Variants in SIPA1L2 observed in about 807,000 individuals in gnomAD.
SIPA1L2 encodes signal-induced proliferation-associated 1-like protein 2.
In SIPA1L2, 56 loss-of-function variants were observed where a neutral mutation model predicts 163.9. That is an observed-to-expected ratio of 0.34 (90% CI 0.28 to 0.43). SIPA1L2 has a LOEUF of 0.43. Ranked by LOEUF, SIPA1L2 falls within the 20% of genes least tolerant of loss-of-function variation. The probability of loss-of-function intolerance (pLI) is 1.00; values close to 1 mark genes in which losing one functional copy is unlikely to be tolerated. For missense variants in SIPA1L2, 1,974 were observed against 2,193.5 expected (o/e 0.90, Z 2.00); for synonymous variants, 877 against 865.7 (o/e 1.01, Z -0.23).
At chr1:232,408,342 AT>A (rs1660760874) in intron 19 of SIPA1L2, among the ~76,000 whole-genome samples, 1 of 151,146 alleles carries the variant, frequency 6.6e-6, no homozygotes, top group Non-Finnish European at 1.5e-5. Flanking sequence ...TCACTTATTA[AT>A]TTTTTTAAAT....
In SIPA1L2 at chr1:232,441,362, G is replaced by A. The variant is rs181504085; in HGVS notation, c.3571C>T (p.Leu1191=). The change falls in exon 14 of 23, where the codon CTG becomes TTG. Residue 1191 remains leucine (L), a synonymous_variant. Transcript: ENST00000674635. ...TKWHGPPSKV[L]GSYKERALQK... Reference sequence around the variant, plus strand: ...AGAGCTCTTTCTTTATAGGAACCCAGGACTTTGGAAGGTGGGCCATGCCAT... The same window carrying A: ...AGAGCTCTTTCTTTATAGGAACCCAAGACTTTGGAAGGTGGGCCATGCCAT... The A allele has an allele frequency of 1.4e-5, 23 of 1,597,752 alleles. 1 individual carries two copies. Among genetic ancestry groups the A allele is most frequent in the Admixed American group, 1.1e-4 (6 of 53,564 alleles).
chr1:232,486,457 CAT>C (rs1242466707), intron 5 of SIPA1L2, among the ~76,000 whole-genome samples: 7 of 152,150 alleles, frequency 4.6e-5, no homozygotes, highest in Non-Finnish European at 1.5e-5. Flanking sequence ...CTCCTGGGCC[CAT>C]GGGAATCAGT....
chr1:232,564,425 G>A (rs72763151), intron 2 of SIPA1L2, among the ~76,000 whole-genome samples: 2 of 151,724 alleles, frequency 1.3e-5, no homozygotes, highest in Non-Finnish European at 2.9e-5. Context: ...AGGCCACAGA[G>A]GCAGAAAACA....
intron 20 of SIPA1L2, 21 bp downstream of exon 20, chr1:232,404,104 C>G: frequency 3.1e-6 from 5 of 1,613,834 alleles, no homozygotes; most frequent in Non-Finnish European, 4.2e-6. Context: ...CAGGAGCCAA[C>G]GAGCAGCCCC....
chr1:232,580,468 T>C (rs1194409264), intron 1 of SIPA1L2, among the ~76,000 whole-genome samples: 1 of 152,202 alleles, frequency 6.6e-6, no homozygotes, highest in African/African-American at 2.4e-5. Flanking sequence ...AGCCTCATTT[T>C]ACTCAGCCCC....
chr1:232,532,260 C>A (rs895968513), intron 2 of SIPA1L2, among the ~76,000 whole-genome samples: 1 of 152,022 alleles, frequency 6.6e-6, no homozygotes, highest in African/African-American at 2.4e-5. Context: ...AGCAGGAGAA[C>A]AAGAAAAGTC....
At chr1:232,482,434 G>T (rs1486793355) in intron 6 of SIPA1L2, among the ~76,000 whole-genome samples, 1 of 143,438 alleles carries the variant, frequency 7.0e-6, no homozygotes, top group Non-Finnish European at 1.5e-5. Flanking sequence ...TTGCAGAAAA[G>T]AGGAGTTTGA....
intron 3 of SIPA1L2, among the ~76,000 whole-genome samples, chr1:232,506,173 G>C (rs1666724081): frequency 6.6e-6 from 1 of 152,134 alleles, no homozygotes; most frequent in African/African-American, 2.4e-5. Flanking sequence ...ACCACTAAAA[G>C]AAAGTATTGC....
At chr1:232,605,779 C>T (rs552459177) in intron 1 of SIPA1L2, among the ~76,000 whole-genome samples, 1 of 152,286 alleles carries the variant, frequency 6.6e-6, no homozygotes, top group South Asian at 2.1e-4. Context: ...ATTATACTGG[C>T]TTGTGAAATA....
chr1:232,606,115 A>G (rs1661907122), intron 1 of SIPA1L2, among the ~76,000 whole-genome samples: 1 of 152,258 alleles, frequency 6.6e-6, no homozygotes, highest in South Asian at 2.1e-4. Flanking sequence ...TATCATTACA[A>G]TTTGATAGAT....
chr1:232,627,990 TAAG>T (rs1663172669), intron 1 of SIPA1L2, among the ~76,000 whole-genome samples: 1 of 152,264 alleles, frequency 6.6e-6, no homozygotes, highest in Non-Finnish European at 1.5e-5. Flanking sequence ...TGTCTTATTT[TAAG>T]CTGGGCAAGG....
chr1:232,412,842 A>C (rs1389399358), intron 19 of SIPA1L2, among the ~76,000 whole-genome samples: 1 of 152,086 alleles, frequency 6.6e-6, no homozygotes, highest in Non-Finnish European at 1.5e-5. Flanking sequence ...GTCAATGCTA[A>C]CTCCTCCCAC....
At chr1:232,557,604 T>C (rs1048404939) in intron 2 of SIPA1L2, among the ~76,000 whole-genome samples, 6 of 152,212 alleles carry the variant, frequency 3.9e-5, no homozygotes, top group African/African-American at 1.4e-4. Context: ...CCTCTGCAGC[T>C]ACTGTGACTT....
At chr1:232,433,143 C>T (rs1662349614) in intron 15 of SIPA1L2, among the ~76,000 whole-genome samples, 1 of 152,200 alleles carries the variant, frequency 6.6e-6, no homozygotes, top group African/African-American at 2.4e-5. Flanking sequence ...TCCCCAATGG[C>T]AGCAACCCAA....
intron 2 of SIPA1L2, among the ~76,000 whole-genome samples, chr1:232,527,035 T>C (rs140557885): frequency 6.6e-6 from 1 of 152,158 alleles, no homozygotes; most frequent in Non-Finnish European, 1.5e-5. Flanking sequence ...GTCACCAAAA[T>C]AAAGCAATTC....
At chr1:232,605,990 A>C (rs1573164353) in intron 1 of SIPA1L2, among the ~76,000 whole-genome samples, 1 of 148,240 alleles carries the variant, frequency 6.7e-6, no homozygotes, top group South Asian at 2.2e-4. Context: ...TCTCAGACAC[A>C]TGATGCTACT....
chr1:232,592,199 C>T (rs936598422), intron 1 of SIPA1L2, among the ~76,000 whole-genome samples: 1 of 152,134 alleles, frequency 6.6e-6, no homozygotes, highest in Non-Finnish European at 1.5e-5. Flanking sequence ...TGTCTGAAAG[C>T]AAGAGGAATA....
chr1:232,487,307 T>C (rs535894494), intron 5 of SIPA1L2, among the ~76,000 whole-genome samples: 1 of 152,332 alleles, frequency 6.6e-6, no homozygotes, highest in East Asian at 1.9e-4. Context: ...GTCTCGAGCA[T>C]ATCTTTGAGT....
At chr1:232,536,500 T>C (rs1002926472) in intron 2 of SIPA1L2, among the ~76,000 whole-genome samples, 6 of 152,180 alleles carry the variant, frequency 3.9e-5, no homozygotes, top group African/African-American at 9.7e-5. Flanking sequence ...CTGTTTCAGA[T>C]GGTATGTGAC....
Sources: allele counts gnomAD v4.1 joint callset (sites outside exome capture counted in the v4.1 genomes callset), GRCh38; gene constraint gnomAD v4.1.1; transcripts MANE v1.5; gene names NCBI Gene and HGNC (gene_info 2026-07-23, HGNC 2026-07-21).